GLIS3: variants seen among roughly 807,000 people sequenced by gnomAD.
GLIS3 encodes the protein zinc finger protein GLIS3.
Under a neutral mutation model 78.6 loss-of-function variants are expected in GLIS3, and 53 were observed. The observed-to-expected ratio is 0.67, with a 90% CI of 0.54 to 0.85. GLIS3 has a LOEUF of 0.85. GLIS3 is among the 40% of genes least tolerant of loss of function. GLIS3 has a pLI of 0.00. For synonymous variants in GLIS3, 684 were observed against 509.9 expected, an observed-to-expected ratio of 1.34 and a Z score of -4.60; for missense variants, 1,703 against 1,231.1, an observed-to-expected ratio of 1.38 and a Z score of -5.74.
At chr9:3,898,358 G>T in intron 7 of GLIS3, 1 of 361,436 alleles carries the variant, frequency 2.8e-6, no homozygotes, top group South Asian at 2.4e-5. Context: ...CACGCAGCCT[G>T]CTACCTGCTT....
At chr9:4,039,348 G>C (rs539464532) in intron 4 of GLIS3, among the ~76,000 whole-genome samples, 6 of 152,256 alleles carry the variant, frequency 3.9e-5, no homozygotes, top group Middle Eastern at 3.4e-3. Context: ...CCACTGAATA[G>C]CAAAATAGAG....
intron 2 of GLIS3, among the ~76,000 whole-genome samples, chr9:4,262,482 G>A (rs548051370): frequency 4.6e-5 from 7 of 152,152 alleles, no homozygotes; most frequent in South Asian, 2.1e-4. Flanking sequence ...TCACTCTGGC[G>A]TCTCAGGTAT....
Position 4,299,613 on chromosome 9 carries a change from C to T in GLIS3, c.-291G>A, listed in dbSNP as rs1325322371. The T allele has an allele frequency of 6.6e-6, 1 of 152,652 alleles. No individual in the cohort carries two copies. The highest frequency in any genetic ancestry group is 1.5e-5 in the Non-Finnish European group (1 of 68,084). 9.5% of individuals were successfully genotyped at this position (152,652 alleles called of 1,614,324 possible). A position where few individuals can be genotyped will look rare whatever the true frequency, so the allele number is the denominator to read the frequency against. On this transcript the variant is annotated 5_prime_UTR_variant, in exon 1 of 11. Coordinates refer to ENST00000381971, the MANE Select transcript of GLIS3 (RefSeq NM_001042413.2). ...AAACGGGGGGACGGAGCGCGGAAACCCGGCCCAAGTGCCGTGTGTGCGCGC... is the reference window on the plus strand; with the variant it reads ...AAACGGGGGGACGGAGCGCGGAAACTCGGCCCAAGTGCCGTGTGTGCGCGC...
At chr9:4,308,820 C>G (rs937728762) in exon 4 of GLIS3, 2 of 152,234 alleles carry the variant, frequency 1.3e-5, no homozygotes, top group Non-Finnish European at 2.9e-5. Context: ...TTGTCTAGGT[C>G]TCACACTTGG....
At chr9:4,046,199 T>C (rs1825234894) in intron 4 of GLIS3, among the ~76,000 whole-genome samples, 1 of 152,224 alleles carries the variant, frequency 6.6e-6, no homozygotes, top group Non-Finnish European at 1.5e-5. Context: ...TCAAAGTTGA[T>C]ACTCACCTTA....
At chr9:4,260,371 C>G (rs1825397375) in intron 2 of GLIS3, among the ~76,000 whole-genome samples, 1 of 152,102 alleles carries the variant, frequency 6.6e-6, no homozygotes, top group Non-Finnish European at 1.5e-5. Context: ...TCAAGACCAG[C>G]CTGGCCAACA....
intron 2 of GLIS3, among the ~76,000 whole-genome samples, chr9:4,146,742 T>A (rs531456788): frequency 3.9e-5 from 6 of 152,274 alleles, no homozygotes; most frequent in African/African-American, 1.4e-4. Flanking sequence ...CCATCCTAAA[T>A]ATGCAATTTA....
At chr9:4,400,032 G>T in the GLIS3 span, among the ~76,000 whole-genome samples, 1 of 152,190 alleles carries the variant, frequency 6.6e-6, no homozygotes, top group East Asian at 1.9e-4. Context: ...AGGCCACAGG[G>T]CAAGCAGGAT....
the GLIS3 span, among the ~76,000 whole-genome samples, chr9:4,358,326 C>CA: frequency 4.2e-5 from 5 of 119,182 alleles, no homozygotes; most frequent in Admixed American, 1.8e-4. Context: ...TTGTAATTTA[C>CA]AAAAAAAAGA....
intron 9 of GLIS3, among the ~76,000 whole-genome samples, chr9:3,832,326 C>T (rs2129972169): frequency 6.6e-6 from 1 of 151,796 alleles, no homozygotes; most frequent in Admixed American, 6.6e-5. Context: ...AATAAAATTT[C>T]CAAAAAGAAC....
intron 2 of GLIS3, among the ~76,000 whole-genome samples, chr9:4,282,703 C>T (rs1827666013): frequency 2.0e-5 from 3 of 152,120 alleles, no homozygotes; most frequent in African/African-American, 7.2e-5. Flanking sequence ...CTGCCACTCT[C>T]CATAATCCCA....
At chr9:4,475,439 C>T in the GLIS3 span, among the ~76,000 whole-genome samples, 1 of 152,092 alleles carries the variant, frequency 6.6e-6, no homozygotes, top group Non-Finnish European at 1.5e-5. Context: ...TGAGTGAGGT[C>T]TATGCTATTC....
At chr9:4,303,684 C>G (rs1411329887), upstream of GLIS3, among the ~76,000 whole-genome samples, 27 of 152,124 alleles carry the variant, frequency 1.8e-4, no homozygotes, top group Admixed American at 1.8e-3. Context: ...AAATATTTCA[C>G]TCCATACAAT....
chr9:4,211,416 T>G (rs1820362069), intron 2 of GLIS3, among the ~76,000 whole-genome samples: 1 of 152,174 alleles, frequency 6.6e-6, no homozygotes, highest in South Asian at 2.1e-4. Context: ...TATCAAGCCT[T>G]GCCACCATCT....
intron 4 of GLIS3, among the ~76,000 whole-genome samples, chr9:4,049,404 C>G (rs1023274100): frequency 1.4e-4 from 22 of 152,182 alleles, no homozygotes; most frequent in African/African-American, 4.6e-4. Flanking sequence ...CCATCAAGGA[C>G]CTTGCTCCAT....
At chr9:4,238,505 T>G (rs994418750) in intron 2 of GLIS3, among the ~76,000 whole-genome samples, 1 of 152,172 alleles carries the variant, frequency 6.6e-6, no homozygotes, top group African/African-American at 2.4e-5. Context: ...GTGCCAAATA[T>G]GCCCCCAACT....
the GLIS3 span, among the ~76,000 whole-genome samples, chr9:4,442,198 A>T: frequency 9.2e-5 from 14 of 152,162 alleles, no homozygotes; most frequent in African/African-American, 3.4e-4. Flanking sequence ...TGTGCCCAGG[A>T]ATTTATCTAT....
chr9:4,385,889 C>G, the GLIS3 span, among the ~76,000 whole-genome samples: 1 of 152,076 alleles, frequency 6.6e-6, no homozygotes, highest in Admixed American at 6.6e-5. Context: ...CTGAGCCAAT[C>G]CCGAAAGAGA....
At chr9:3,974,074 T>C (rs776666301) in intron 4 of GLIS3, among the ~76,000 whole-genome samples, 4 of 152,162 alleles carry the variant, frequency 2.6e-5, no homozygotes, top group Non-Finnish European at 5.9e-5. Context: ...CATTTATACT[T>C]TATTTTGCAA....
Sources: gnomAD v4.1 joint callset for allele counts (sites outside exome capture counted in the v4.1 genomes callset) on GRCh38, gnomAD v4.1.1 for gene constraint, MANE v1.5 for transcripts, NCBI Gene and HGNC (gene_info 2026-07-23, HGNC 2026-07-21) for gene names.